TBCK: variants seen among roughly 807,000 people sequenced by gnomAD.
TBCK encodes TBC domain-containing protein kinase-like protein.
A neutral mutation model predicts 113.4 loss-of-function variants in TBCK; 99 were observed. The ratio of observed to expected loss-of-function variants is 0.87; its 90% CI spans 0.74 to 1.03. TBCK has a LOEUF of 1.03. Among genes scored for constraint, TBCK ranks in the 50% least tolerant of loss-of-function variants. The probability of loss-of-function intolerance (pLI) is 0.00; values close to 1 mark genes in which losing one functional copy is unlikely to be tolerated. For missense variants in TBCK, 1,045 were observed against 1,061.3 expected (o/e 0.98, Z 0.21); for synonymous variants, 369 against 370.8 (o/e 1.00, Z 0.05).
rs1380708743 is a variant in TBCK at position 106,217,147 on chromosome 4, G to A, written c.1775-4312C>T. Among the ~76,000 whole-genome samples the A allele has an allele frequency of 3.9e-3, 593 of 151,792 alleles. 5 individuals are homozygous for A. Among genetic ancestry groups the A allele is most frequent in the African/African-American group, 0.014 (566 of 41,360 alleles). ...GATTATCTCAATAGATGCAGAAAAG[G>A]CCTTTGACAAAATTCAACAACCCTT... On this transcript the variant is annotated intron_variant, in intron 19 of 25. Coordinates refer to ENST00000394708, the MANE Select transcript of TBCK (RefSeq NM_001163435.3).
chr4:106,180,261 A>G (rs959773884), intron 22 of TBCK, among the ~76,000 whole-genome samples: 3 of 152,042 alleles, frequency 2.0e-5, no homozygotes, highest in African/African-American at 4.8e-5. Context: ...AATAATAGGT[A>G]AGAATTTGCT....
At chr4:106,083,955 A>C (rs1739207740) in intron 25 of TBCK, among the ~76,000 whole-genome samples, 1 of 152,240 alleles carries the variant, frequency 6.6e-6, no homozygotes. Context: ...TCAAAGACCA[A>C]AACTAGACAA....
intron 3 of TBCK, among the ~76,000 whole-genome samples, chr4:106,288,647 G>A (rs1765359925): frequency 6.6e-6 from 1 of 152,096 alleles, no homozygotes; most frequent in Non-Finnish European, 1.5e-5. Context: ...AATCTTCTAT[G>A]TCTGGCTTCT....
chr4:106,284,123 G>T (rs1166157411), intron 3 of TBCK, among the ~76,000 whole-genome samples: 3 of 152,018 alleles, frequency 2.0e-5, no homozygotes, highest in African/African-American at 7.2e-5. Context: ...AACAGGAAGA[G>T]AATTATAGAT....
chr4:106,211,138 T>G (rs139650090), intron 20 of TBCK, among the ~76,000 whole-genome samples: 47 of 152,278 alleles, frequency 3.1e-4, no homozygotes, highest in Admixed American at 2.9e-3. Flanking sequence ...CACAATTTAA[T>G]TAGGTGCCTT....
In TBCK at chr4:106,107,041, C is replaced by T. The variant is rs548689432; in HGVS notation, c.2411+9162G>A. Among the ~76,000 whole-genome samples the T allele has an allele frequency of 4.0e-5, 6 of 150,046 alleles. No homozygotes were observed. In the East Asian group the frequency reaches 1.2e-3, roughly 29 times the overall value. ...ACCAACAACGATTTAAAAAAAAAGA[C>T]AAGGGCATTATATAATGGTAAAGGG... is the stretch of plus-strand genomic sequence containing the variant. On this transcript the variant is annotated intron_variant, in intron 24 of 25. Transcript: ENST00000394708.
chr4:106,302,415 C>A (rs55844204), intron 2 of TBCK, among the ~76,000 whole-genome samples: 2,772 of 152,256 alleles, frequency 0.018, 79 homozygotes, highest in African/African-American at 0.061. Flanking sequence ...GAAGAATACT[C>A]CCCAAAGAGA....
intron 25 of TBCK, among the ~76,000 whole-genome samples, chr4:106,051,217 A>G (rs1000263826): frequency 6.6e-6 from 1 of 151,912 alleles, no homozygotes; most frequent in Non-Finnish European, 1.5e-5. Flanking sequence ...TCTAGGACAC[A>G]GGTTTGGGAA....
chr4:106,231,915 T>G, intron 17 of TBCK, 136 bp from the exon 18 acceptor site: 3 of 784,196 alleles, frequency 3.8e-6, no homozygotes. Flanking sequence ...AGAAATATGT[T>G]ACTTCATGAG....
intron 3 of TBCK, among the ~76,000 whole-genome samples, chr4:106,293,642 T>G (rs1322764238): frequency 6.6e-6 from 1 of 152,200 alleles, no homozygotes; most frequent in Non-Finnish European, 1.5e-5. Context: ...TTCTAGAGGC[T>G]ACCCAAAACC....
chr4:106,162,936 C>A (rs191965591), intron 23 of TBCK, among the ~76,000 whole-genome samples: 7 of 152,274 alleles, frequency 4.6e-5, no homozygotes, highest in African/African-American at 1.2e-4. Flanking sequence ...ATGCAAATGT[C>A]TGCAGCTGGC....
At chr4:106,281,995 A>G (rs1340269438) in intron 3 of TBCK, among the ~76,000 whole-genome samples, 1 of 152,088 alleles carries the variant, frequency 6.6e-6, no homozygotes, top group Non-Finnish European at 1.5e-5. Context: ...ACTTTTCTGG[A>G]AAAGTTTGGC....
At chr4:106,124,594 G>A (rs368783660) in intron 23 of TBCK, among the ~76,000 whole-genome samples, 2 of 151,954 alleles carry the variant, frequency 1.3e-5, no homozygotes, top group South Asian at 2.1e-4. Flanking sequence ...AAGACTTGGA[G>A]CCAACCCAAA....
At chr4:106,053,010 A>G (rs1263372999) in intron 25 of TBCK, among the ~76,000 whole-genome samples, 1 of 151,642 alleles carries the variant, frequency 6.6e-6, no homozygotes, top group East Asian at 1.9e-4. Flanking sequence ...AGCCCCAATA[A>G]TACTCTTCCT....
chr4:106,170,986 A>T (rs1750921848), intron 23 of TBCK, 109 bp downstream of exon 23: 1 of 766,670 alleles, frequency 1.3e-6, no homozygotes, highest in Non-Finnish European at 1.9e-6. Flanking sequence ...AAATATCTAC[A>T]TTAAAAGGAC....
intron 2 of TBCK, among the ~76,000 whole-genome samples, chr4:106,299,195 G>T (rs1021087120): frequency 1.6e-4 from 24 of 152,220 alleles, no homozygotes; most frequent in African/African-American, 5.8e-4. Context: ...AAAGATAACT[G>T]TTAGATGAAT....
intron 20 of TBCK, among the ~76,000 whole-genome samples, chr4:106,202,956 T>A (rs536531715): frequency 1.3e-5 from 2 of 152,078 alleles, no homozygotes; most frequent in African/African-American, 4.8e-5. Flanking sequence ...TATAAGTGTA[T>A]GTGTTTGCAA....
intron 22 of TBCK, among the ~76,000 whole-genome samples, chr4:106,178,130 C>T (rs56307196): frequency 0.014 from 2,078 of 151,950 alleles, 51 homozygotes; most frequent in African/African-American, 0.047. Flanking sequence ...AGATTGTTCA[C>T]TGTTGGTTTA....
At chr4:106,236,884 T>G (rs1006343151) in intron 12 of TBCK, 76 bp from the exon 13 acceptor site, 2 of 777,872 alleles carry the variant, frequency 2.6e-6, no homozygotes, top group Non-Finnish European at 3.9e-6. Flanking sequence ...AAAAGACAAG[T>G]AATATAACAA....
Sources: allele counts gnomAD v4.1 joint callset (sites outside exome capture counted in the v4.1 genomes callset), GRCh38; gene constraint gnomAD v4.1.1; transcripts MANE v1.5; gene names NCBI Gene and HGNC (gene_info 2026-07-23, HGNC 2026-07-21).